The following EXOC6 variants were observed in gnomAD, a reference collection of about 807,000 sequenced individuals.
EXOC6 encodes SEC15-like 1.
In EXOC6, 60 loss-of-function variants were observed where a neutral mutation model predicts 112.5. The ratio of observed to expected loss-of-function variants is 0.53; its 90% CI spans 0.43 to 0.66. EXOC6 has a LOEUF of 0.66. Ranked by LOEUF, EXOC6 falls within the 30% of genes least tolerant of loss-of-function variation. The pLI is 0.00. For missense variants in EXOC6, 855 were observed against 957.1 expected, an observed-to-expected ratio of 0.89 and a Z score of 1.41; for synonymous variants, 295 against 308.0, an observed-to-expected ratio of 0.96 and a Z score of 0.44.
intron 20 of EXOC6, among the ~76,000 whole-genome samples, chr10:93,056,701 G>A (rs992202329): frequency 6.6e-6 from 1 of 152,076 alleles, no homozygotes; most frequent in Non-Finnish European, 1.5e-5. Flanking sequence ...AAAACATGAA[G>A]TATTTTACTA....
intron 1 of EXOC6, among the ~76,000 whole-genome samples, chr10:92,856,050 A>C (rs369166286): frequency 4.0e-5 from 6 of 151,762 alleles, no homozygotes; most frequent in African/African-American, 1.5e-4. Flanking sequence ...TTTTTAGTAG[A>C]GATAGGGTTT....
intron 18 of EXOC6, among the ~76,000 whole-genome samples, chr10:92,975,842 G>T (rs1842557512): frequency 3.6e-5 from 5 of 138,380 alleles, no homozygotes; most frequent in African/African-American, 5.4e-5. Context: ...GAGGTGAGGG[G>T]CGCCTCTGCC....
chr10:92,847,262 C>G (rs770727264), upstream of EXOC6, among the ~76,000 whole-genome samples: 9 of 152,222 alleles, frequency 5.9e-5, no homozygotes, highest in Admixed American at 1.3e-4. Context: ...CAGACACTGC[C>G]ATTGTCATTT....
upstream of EXOC6, chr10:92,834,680 A>G: frequency 1.5e-6 from 2 of 1,337,410 alleles, no homozygotes; most frequent in Non-Finnish European, 2.1e-6. Context: ...TATAAATTAC[A>G]ACAGTTTTTC....
At chr10:92,980,066 C>T (rs547356320) in intron 18 of EXOC6, among the ~76,000 whole-genome samples, 11 of 152,048 alleles carry the variant, frequency 7.2e-5, no homozygotes, top group Non-Finnish European at 4.4e-5. Context: ...TCCCATTACC[C>T]AAAATGTTAA....
chr10:92,895,190 T>C (rs1203040220), intron 4 of EXOC6, among the ~76,000 whole-genome samples, 170 bp downstream of exon 4: 2 of 152,232 alleles, frequency 1.3e-5, no homozygotes, highest in African/African-American at 4.8e-5. Flanking sequence ...TTCATGCTTT[T>C]GTCATGTTAG....
intron 13 of EXOC6, among the ~76,000 whole-genome samples, chr10:92,945,333 C>T (rs1564851200): frequency 6.6e-6 from 1 of 152,170 alleles, no homozygotes; most frequent in Admixed American, 6.5e-5. Flanking sequence ...CTTGCCTCTT[C>T]ATTCTGTTGT....
At chr10:92,926,277 A>G (rs1428498164) in intron 8 of EXOC6, among the ~76,000 whole-genome samples, 1 of 151,998 alleles carries the variant, frequency 6.6e-6, no homozygotes, top group Non-Finnish European at 1.5e-5. Context: ...AAAAAAACCC[A>G]CCATAACACC....
intron 2 of EXOC6, among the ~76,000 whole-genome samples, chr10:92,894,509 A>G (rs1157920613): frequency 1.3e-5 from 2 of 152,194 alleles, no homozygotes; most frequent in Non-Finnish European, 2.9e-5. Context: ...TGGGTCAGTG[A>G]TTTGAATTGT....
At chr10:92,906,948 A>G (rs1056382690) in intron 5 of EXOC6, among the ~76,000 whole-genome samples, 4 of 152,192 alleles carry the variant, frequency 2.6e-5, no homozygotes, top group Non-Finnish European at 5.9e-5. Flanking sequence ...ATGGTAATCT[A>G]TTGTGGTGCT....
At chr10:93,029,621 A>G (rs1845184110) in intron 20 of EXOC6, among the ~76,000 whole-genome samples, 1 of 152,184 alleles carries the variant, frequency 6.6e-6, no homozygotes, top group African/African-American at 2.4e-5. Flanking sequence ...TTTGATGAGG[A>G]GAAGTTCATA....
At chr10:92,884,825 T>C (rs1376168820) in intron 1 of EXOC6, among the ~76,000 whole-genome samples, 1 of 152,158 alleles carries the variant, frequency 6.6e-6, no homozygotes, top group Non-Finnish European at 1.5e-5. Context: ...GTGATGAGTT[T>C]TTTTCACAAT....
In EXOC6 at chr10:92,971,290, C is replaced by T. The variant is rs143909341; in HGVS notation, c.1774-2763C>T. On this transcript the variant is annotated intron_variant, in intron 17 of 21. Coordinates refer to ENST00000260762, the MANE Select transcript of EXOC6 (RefSeq NM_019053.6). ...TGATCTCCTGACCCCGTGATTCACC[C>T]GCCTTGGCCTCCCAAAGTGCTGGGA... is the stretch of plus-strand genomic sequence containing the variant. Among the ~76,000 whole-genome samples, 1,233 of 152,250 alleles carry T rather than the reference C, an allele frequency of 8.1e-3. 6 individuals are homozygous for T. The highest frequency in any genetic ancestry group is 0.014 in the Non-Finnish European group (945 of 68,006).
At chr10:93,040,276 G>A (rs1422098624) in intron 20 of EXOC6, among the ~76,000 whole-genome samples, 3 of 152,080 alleles carry the variant, frequency 2.0e-5, no homozygotes, top group Non-Finnish European at 2.9e-5. Flanking sequence ...TTGAGACGGA[G>A]TCTCACTTGT....
intron 4 of EXOC6, among the ~76,000 whole-genome samples, chr10:92,896,530 C>G (rs565196920): frequency 1.3e-5 from 2 of 151,416 alleles, no homozygotes; most frequent in African/African-American, 4.9e-5. Context: ...TTAGCTTAGA[C>G]TACAAATTAT....
intron 1 of EXOC6, among the ~76,000 whole-genome samples, chr10:92,852,890 C>G (rs1397064617): frequency 6.6e-6 from 1 of 152,000 alleles, no homozygotes; most frequent in Non-Finnish European, 1.5e-5. Context: ...CTATTCAACA[C>G]TGTACTAGAA....
intron 17 of EXOC6, among the ~76,000 whole-genome samples, chr10:92,966,826 A>G (rs1842089912): frequency 6.8e-6 from 1 of 148,048 alleles, no homozygotes; most frequent in Non-Finnish European, 1.5e-5. Context: ...GCTGGGTCAA[A>G]TGGTATTTCT....
chr10:92,843,337 A>AT (rs1846925292), intron 1 of EXOC6, among the ~76,000 whole-genome samples: 7 of 152,194 alleles, frequency 4.6e-5, no homozygotes, highest in African/African-American at 1.7e-4. Context: ...TGGACATCTG[A>AT]AACGAGTGGC....
intron 18 of EXOC6, among the ~76,000 whole-genome samples, chr10:92,974,881 A>G (rs1842448361): frequency 6.6e-6 from 1 of 152,196 alleles, no homozygotes; most frequent in Admixed American, 6.5e-5. Flanking sequence ...AATGGTGCCC[A>G]GGCTGGAGTG....
Sources: allele counts gnomAD v4.1 joint callset (sites outside exome capture counted in the v4.1 genomes callset), GRCh38; gene constraint gnomAD v4.1.1; transcripts MANE v1.5; gene names NCBI Gene and HGNC (gene_info 2026-07-23, HGNC 2026-07-21).